ANXA8: variants seen among roughly 807,000 people sequenced by gnomAD.
ANXA8 encodes the protein annexin A8.
A neutral mutation model predicts 26.8 loss-of-function variants in ANXA8; 9 were observed. That is an observed-to-expected ratio of 0.34 (90% confidence interval 0.20 to 0.59). The LOEUF (loss-of-function observed/expected upper bound fraction) is 0.59, where lower values mean the gene tolerates loss of function less well. Among genes scored for constraint, ANXA8 ranks in the 20% least tolerant of loss-of-function variants. The probability of loss-of-function intolerance (pLI) is 0.84; values close to 1 mark genes in which losing one functional copy is unlikely to be tolerated. For synonymous variants in ANXA8, 39 were observed against 94.8 expected (o/e 0.41, Z 3.42); for missense variants, 83 against 238.5 (o/e 0.35, Z 4.29).
chr10:47,617,439 G>A, the ANXA8 span, among the ~76,000 whole-genome samples: 1 of 142,134 alleles, frequency 7.0e-6, no homozygotes, highest in Non-Finnish European at 1.5e-5. Flanking sequence ...ATTTTCATAT[G>A]GCTACACTGA....
At chr10:47,974,399 GTTC>G in the ANXA8 span, among the ~76,000 whole-genome samples, 4 of 146,484 alleles carry the variant, frequency 2.7e-5, no homozygotes, top group Non-Finnish European at 4.6e-5. Flanking sequence ...ATTTCATTAA[GTTC>G]TTCTTTAATT....
the ANXA8 span, among the ~76,000 whole-genome samples, chr10:47,627,450 T>C: frequency 0.039 from 5,810 of 149,188 alleles, 151 homozygotes; most frequent in Non-Finnish European, 0.057. Context: ...TTTGTTTCTC[T>C]TTTTGTTACT....
At chr10:47,881,908 TG>T in the ANXA8 span, among the ~76,000 whole-genome samples, 3 of 152,244 alleles carry the variant, frequency 2.0e-5, no homozygotes, top group Non-Finnish European at 4.4e-5. Flanking sequence ...TGAATATGCC[TG>T]TGTGTATGTG....
At chr10:47,597,298 G>A in the ANXA8 span, among the ~76,000 whole-genome samples, 69 of 149,242 alleles carry the variant, frequency 4.6e-4, 1 homozygote, top group East Asian at 7.7e-4. Context: ...CCTAGTCTAC[G>A]TTATACTAAA....
the ANXA8 span, among the ~76,000 whole-genome samples, chr10:47,559,825 T>C: frequency 2.5e-4 from 38 of 152,056 alleles, no homozygotes; most frequent in Non-Finnish European, 4.6e-4. Context: ...CCAGGGCTTC[T>C]TCCACTAAGC....
chr10:47,612,877 A>AG, the ANXA8 span, among the ~76,000 whole-genome samples: 2 of 74,182 alleles, frequency 2.7e-5, 1 homozygote, highest in Non-Finnish European at 6.9e-5. Context: ...TGGATTTCCA[A>AG]GCCTCCTTAG....
chr10:47,744,834 G>T, the ANXA8 span, among the ~76,000 whole-genome samples: 324 of 151,940 alleles, frequency 2.1e-3, 1 homozygote, highest in African/African-American at 7.4e-3. Flanking sequence ...TGACTTTCTG[G>T]ATCACAAAAT....
chr10:47,687,091 G>A, the ANXA8 span, among the ~76,000 whole-genome samples: 3 of 149,814 alleles, frequency 2.0e-5, no homozygotes, highest in African/African-American at 7.4e-5. Context: ...GTGAGAGAGA[G>A]AGACCCTAAC....
chr10:47,560,719 C>A, the ANXA8 span, among the ~76,000 whole-genome samples: 3 of 151,916 alleles, frequency 2.0e-5, no homozygotes, highest in African/African-American at 7.3e-5. Context: ...GGGCACAGCG[C>A]CTGACTATTT....
At chr10:47,507,598 C>G in the ANXA8 span, 1 of 1,531,086 alleles carries the variant, frequency 6.5e-7, no homozygotes. Flanking sequence ...GGAAGGAAAA[C>G]AAATTCATAA....
the ANXA8 span, among the ~76,000 whole-genome samples, chr10:47,704,224 G>A: frequency 7.0e-6 from 1 of 143,846 alleles, no homozygotes; most frequent in Non-Finnish European, 1.6e-5. Context: ...CACATTAGTC[G>A]ACATAGTGAG....
At chr10:47,591,207 T>C in the ANXA8 span, among the ~76,000 whole-genome samples, 2 of 145,854 alleles carry the variant, frequency 1.4e-5, no homozygotes, top group Non-Finnish European at 2.9e-5. Flanking sequence ...ACTTTCAGTC[T>C]AGCACAGGCG....
the ANXA8 span, among the ~76,000 whole-genome samples, chr10:47,945,381 C>T: frequency 1.3e-5 from 2 of 150,736 alleles, no homozygotes; most frequent in African/African-American, 2.5e-5. Flanking sequence ...AACCCCTCTC[C>T]TCTTCAGAGG....
the ANXA8 span, among the ~76,000 whole-genome samples, chr10:47,733,008 A>G: frequency 6.7e-6 from 1 of 150,104 alleles, no homozygotes; most frequent in Non-Finnish European, 1.5e-5. Flanking sequence ...TCTTGGTTGC[A>G]AGTGATAAAA....
At chr10:47,640,674 T>A in the ANXA8 span, among the ~76,000 whole-genome samples, 1 of 119,158 alleles carries the variant, frequency 8.4e-6, no homozygotes, top group Non-Finnish European at 1.6e-5. Context: ...CAAAATTATA[T>A]TTATCATTCA....
the ANXA8 span, among the ~76,000 whole-genome samples, chr10:47,534,344 T>A: frequency 1.6e-5 from 2 of 127,442 alleles, no homozygotes; most frequent in African/African-American, 3.5e-5. Flanking sequence ...CCCAATCTCC[T>A]CAGCCACTCC....
the ANXA8 span, among the ~76,000 whole-genome samples, chr10:47,743,325 TATAC>T: frequency 1.7e-4 from 7 of 42,344 alleles, no homozygotes; most frequent in East Asian, 1.1e-3. Context: ...CATATATATA[TATAC>T]ATATATATAT....
chr10:47,506,753 C>T, the ANXA8 span, among the ~76,000 whole-genome samples: 1 of 145,216 alleles, frequency 6.9e-6, no homozygotes, highest in African/African-American at 2.5e-5. Flanking sequence ...GGTTCTCCTG[C>T]CTCAGCCTCC....
the ANXA8 span, among the ~76,000 whole-genome samples, chr10:47,894,375 A>C: frequency 7.6e-6 from 1 of 132,054 alleles, no homozygotes; most frequent in Non-Finnish European, 1.6e-5. Context: ...CACACATCAC[A>C]CACAGACGCC....
Sources: allele counts gnomAD v4.1 joint callset (sites outside exome capture counted in the v4.1 genomes callset), GRCh38; gene constraint gnomAD v4.1.1; transcripts MANE v1.5; gene names NCBI Gene and HGNC (gene_info 2026-07-23, HGNC 2026-07-21).